Variants in ANK3 observed in about 807,000 individuals in gnomAD.
ANK3 encodes the protein ankyrin-3.
ANK3 carries 57 observed loss-of-function variants against 370.9 expected under a neutral mutation model. The ratio of observed to expected loss-of-function variants is 0.15; its 90% CI spans 0.12 to 0.19. The LOEUF (loss-of-function observed/expected upper bound fraction) is 0.19, where lower values mean the gene tolerates loss of function less well. ANK3 is among the 10% of genes least tolerant of loss of function. The pLI, the probability that ANK3 is intolerant of heterozygous loss-of-function variation, is 1.00. For missense variants in ANK3, 4,439 were observed against 5,302.1 expected (o/e 0.84, Z 5.06); for synonymous variants, 1,929 against 1,946.3 (o/e 0.99, Z 0.23).
intron 2 of ANK3, among the ~76,000 whole-genome samples, chr10:60,579,366 A>AAAAT (rs954842650): frequency 3.5e-4 from 52 of 150,712 alleles, no homozygotes; most frequent in Non-Finnish European, 5.9e-4. Flanking sequence ...TTCTAGTTGC[A>AAAAT]AAATAAATAA....
chr10:60,631,654 C>A (rs985380362), intron 1 of ANK3, among the ~76,000 whole-genome samples: 3 of 151,956 alleles, frequency 2.0e-5, no homozygotes, highest in Non-Finnish European at 2.9e-5. Flanking sequence ...CAAAATTATA[C>A]ACGGAAATTG....
intron 8 of ANK3, among the ~76,000 whole-genome samples, chr10:60,230,761 C>T (rs1039047254): frequency 1.3e-4 from 20 of 151,896 alleles, no homozygotes; most frequent in African/African-American, 4.8e-4. Flanking sequence ...TGGTGGCGGG[C>T]ACCTGTAGTC....
At chr10:60,555,072 G>T (rs1227102371) in intron 2 of ANK3, among the ~76,000 whole-genome samples, 1 of 151,394 alleles carries the variant, frequency 6.6e-6, no homozygotes, top group Admixed American at 6.6e-5. Context: ...ACATTTACAA[G>T]AAAAAAAAGA....
At chr10:60,366,414 T>G (rs946210342) in intron 1 of ANK3, among the ~76,000 whole-genome samples, 4 of 152,162 alleles carry the variant, frequency 2.6e-5, no homozygotes, top group Non-Finnish European at 5.9e-5. Context: ...TTTACCTTAG[T>G]GATAATGACC....
chr10:60,541,669 G>A (rs539756998), intron 2 of ANK3, among the ~76,000 whole-genome samples: 1 of 151,878 alleles, frequency 6.6e-6, no homozygotes, highest in Admixed American at 6.6e-5. Flanking sequence ...ACTCTCTAGA[G>A]TACTCCTAAA....
At chr10:60,076,584 A>C in intron 36 of ANK3, 136 bp from the exon 37 acceptor site, 1 of 1,164,466 alleles carries the variant, frequency 8.6e-7, no homozygotes. Context: ...TGCATGATTT[A>C]GAATGGAAGA....
chr10:60,511,495 C>T (rs994650518), intron 2 of ANK3, among the ~76,000 whole-genome samples: 6 of 152,138 alleles, frequency 3.9e-5, no homozygotes, highest in African/African-American at 1.4e-4. Flanking sequence ...CTCTGAATTA[C>T]ATAATAAAAG....
At chr10:60,168,448 G>A (rs886328963) in intron 21 of ANK3, among the ~76,000 whole-genome samples, 4 of 152,040 alleles carry the variant, frequency 2.6e-5, no homozygotes, top group Non-Finnish European at 4.4e-5. Flanking sequence ...GCCTTTTAAT[G>A]TTTCAGGATC....
intron 36 of ANK3, among the ~76,000 whole-genome samples, chr10:60,077,452 A>AAT (rs1252707287): frequency 6.6e-6 from 1 of 152,232 alleles, no homozygotes; most frequent in Non-Finnish European, 1.5e-5. Flanking sequence ...TATTATGCAC[A>AAT]ATATATAAAC....
At chr10:60,295,659 C>A (rs916606169) in intron 1 of ANK3, among the ~76,000 whole-genome samples, 1 of 152,030 alleles carries the variant, frequency 6.6e-6, no homozygotes, top group South Asian at 2.1e-4. Flanking sequence ...CTCAAGGTAC[C>A]TTTATACTCC....
rs769470033 is a variant in ANK3 at position 60,278,843 on chromosome 10, A to G, written c.345T>C (p.Ser115=). Residue 115 remains serine, a synonymous_variant, in exon 4 of 44, where the codon TCT becomes TCC. Coordinates refer to ENST00000280772, the MANE Select transcript of ANK3 (RefSeq NM_020987.5). ...TTACCACCTCTGCTTGCCCAGCCAA[A>G]GATGCGATGTGCAATGCTGTGTTTC... ...KKGNTALHIA[S]LAGQAEVVKV... is the part of the protein sequence containing the mutation. 1 of 1,613,944 alleles carries G rather than the reference A, an allele frequency of 6.2e-7. No homozygotes were observed. The highest frequency in any genetic ancestry group is 8.5e-7 in the Non-Finnish European group (1 of 1,179,920).
Position 60,082,601 on chromosome 10 carries a change from G to T in ANK3, c.4323+14C>A, listed in dbSNP as rs372185449. ...GACCAGGGAAAGACAATTTAAAGCA[G>T]TATTAAAAGATACCTTTTTATGTGC... On this transcript the variant is annotated intron_variant, in intron 34 of 43. Coordinates refer to ENST00000280772, the MANE Select transcript of ANK3 (RefSeq NM_020987.5). 6.2e-7 allele frequency: 1 copy of T among 1,612,938 alleles called. No individual in the cohort carries two copies. Among genetic ancestry groups the T allele is most frequent in the Admixed American group, 1.7e-5 (1 of 59,776 alleles).
intron 2 of ANK3, among the ~76,000 whole-genome samples, chr10:60,568,320 C>A (rs78398751): frequency 6.6e-6 from 1 of 151,966 alleles, no homozygotes; most frequent in Non-Finnish European, 1.5e-5. Flanking sequence ...CCACTGACAT[C>A]AAAAAAAGAA....
intron 28 of ANK3, among the ~76,000 whole-genome samples, chr10:60,103,628 G>GT (rs2091690259): frequency 6.6e-6 from 1 of 152,192 alleles, no homozygotes. Context: ...TATAAAATGT[G>GT]TGTAGTGGTT....
intron 27 of ANK3, among the ~76,000 whole-genome samples, chr10:60,106,796 G>A (rs1381677904): frequency 1.3e-5 from 2 of 152,000 alleles, no homozygotes; most frequent in South Asian, 2.1e-4. Context: ...ATCAAGCCAC[G>A]GGAAATAATT....
chr10:60,084,408 A>G, intron 32 of ANK3, 194 bp downstream of exon 32: 1 of 267,158 alleles, frequency 3.7e-6, no homozygotes, highest in Non-Finnish European at 6.7e-6. Flanking sequence ...TCCGTCTCAA[A>G]AAAAAAAAAA....
At chr10:60,543,786 C>T (rs76204442) in intron 2 of ANK3, among the ~76,000 whole-genome samples, 74 of 152,098 alleles carry the variant, frequency 4.9e-4, no homozygotes, top group Admixed American at 3.6e-3. Context: ...CCACCTTCTC[C>T]CACCTACTTA....
intron 27 of ANK3, among the ~76,000 whole-genome samples, chr10:60,107,663 C>T (rs1394963078): frequency 1.3e-5 from 2 of 152,150 alleles, no homozygotes; most frequent in East Asian, 3.9e-4. Flanking sequence ...CAACACTTTT[C>T]AAAATCAGTT....
intron 2 of ANK3, among the ~76,000 whole-genome samples, chr10:60,534,732 C>A (rs1434255544): frequency 6.6e-6 from 1 of 152,068 alleles, no homozygotes; most frequent in African/African-American, 2.4e-5. Context: ...CTGTAATTAG[C>A]CTGAAATCAT....
Sources: gnomAD v4.1 joint callset for allele counts (sites outside exome capture counted in the v4.1 genomes callset) on GRCh38, gnomAD v4.1.1 for gene constraint, MANE v1.5 for transcripts, NCBI Gene and HGNC (gene_info 2026-07-23, HGNC 2026-07-21) for gene names.